Variants in UPRT observed in about 807,000 individuals in gnomAD.
UPRT encodes the protein RP11-311P8.3.
In UPRT, 5 loss-of-function variants were observed where a neutral mutation model predicts 22.6. That is an observed-to-expected ratio of 0.22 (90% confidence interval 0.12 to 0.47). The LOEUF is 0.47. UPRT is among the 20% of genes least tolerant of loss of function. UPRT has a pLI of 0.99. For missense variants in UPRT, 181 were observed against 239.9 expected (o/e 0.75, Z 1.62); for synonymous variants, 77 against 87.7 (o/e 0.88, Z 0.68).
rs940440173 is a variant in UPRT at position 75,265,112 on chromosome X, A to G, written c.-446-25912A>G. On this transcript the variant is annotated intron_variant, in intron 4 of 13. Transcript: ENST00000652605. The stretch of plus-strand genomic sequence containing the variant: ...ACCTTTCTCTCTGGCTGCCCTTAAC[A>G]TTTTTTCCTTCATTTCAACTTTGGT... 9.9e-5 allele frequency among the ~76,000 whole-genome samples: 11 copies of G among 110,768 alleles called. No homozygotes were observed. The Admixed American group carries it at 1.1e-3, about 11-fold the overall frequency.
chrX:75,239,294 G>A (rs953625801), intron 4 of UPRT, among the ~76,000 whole-genome samples: 1 of 111,628 alleles, frequency 9.0e-6, no homozygotes, highest in Middle Eastern at 4.6e-3. Flanking sequence ...CCATAGCACA[G>A]AAATACAAAG....
rs73505031 is a variant in UPRT at position 75,300,796 on chromosome X, A to C, written c.725-71A>C. On this transcript the variant is annotated intron_variant, in intron 5 of 6. Transcript: ENST00000373383. ...AGTGATTCCCTGTCCCCCCTCCCCC[A>C]AAAAAAGAAAAAAGACATTTAAAAA... The C allele has an allele frequency of 7.5e-4, 672 of 894,067 alleles. 4 individuals carry two copies. The highest frequency in any genetic ancestry group is 2.7e-3 in the South Asian group (109 of 40,957). The allele number at this position is 894,067 out of a possible 1,213,427, so 73.7% of individuals were successfully genotyped here.
Position 75,234,631 on chromosome X carries a change from C to T in UPRT, c.-446-56393C>T, listed in dbSNP as rs1323947448. Among the ~76,000 whole-genome samples, 3 of 111,620 alleles carry T rather than the reference C, an allele frequency of 2.7e-5. No homozygotes were observed. The East Asian group carries it at 8.5e-4, about 31-fold the overall frequency. ...CAAACTGGAACTCAGGATTAAGAAA[C>T]TCACTCAAAACCACTCAACTACATG... On this transcript the variant is annotated intron_variant, in intron 4 of 13. Coordinates refer to the UPRT transcript ENST00000652605.
chrX:75,287,328 A>G (rs558891382), intron 1 of UPRT, among the ~76,000 whole-genome samples: 1 of 111,778 alleles, frequency 8.9e-6, no homozygotes, highest in East Asian at 2.8e-4. Context: ...AGTGAGGCTT[A>G]GTAAGAAGAT....
At chrX:75,198,056 C>T (rs769799654) in intron 4 of UPRT, among the ~76,000 whole-genome samples, 31 of 112,904 alleles carry the variant, frequency 2.7e-4, no homozygotes, top group African/African-American at 9.6e-4. Context: ...CAGCTTCATT[C>T]ATAATAGCTC....
At position 75,212,353 on chromosome X, in the gene UPRT, T is replaced by C. The variant is rs1235117404; in HGVS notation, c.-447+44474T>C. On this transcript the variant is annotated intron_variant, in intron 4 of 13. Transcript: ENST00000652605. ...AACAGTCTCTCAGACCACAGGGCAA[T>C]CAAATTATAACTCAAGATTAAGAAA... 7.2e-5 allele frequency among the ~76,000 whole-genome samples: 8 copies of C among 111,854 alleles called. No individual in the cohort carries two copies. In the Admixed American group the frequency reaches 7.6e-4, roughly 11 times the overall value.
chrX:75,278,807 CA>C (rs2082642003), intron 1 of UPRT, among the ~76,000 whole-genome samples: 1 of 110,927 alleles, frequency 9.0e-6, no homozygotes, highest in African/African-American at 3.3e-5. Context: ...TGACATAGGA[CA>C]AAAAAAGGAG....
chrX:75,292,983 C>A (rs1159314757), intron 1 of UPRT, among the ~76,000 whole-genome samples: 1 of 111,412 alleles, frequency 9.0e-6, no homozygotes, highest in African/African-American at 3.3e-5. Context: ...AAAGCAGTAG[C>A]AAAAGCAGAG....
intron 1 of UPRT, among the ~76,000 whole-genome samples, chrX:75,283,380 T>C (rs1377991260): frequency 9.0e-6 from 1 of 111,410 alleles, no homozygotes; most frequent in Non-Finnish European, 1.9e-5. Flanking sequence ...TGTATTTTTG[T>C]TATATAGGTC....
intron 4 of UPRT, among the ~76,000 whole-genome samples, chrX:75,206,886 G>A (rs750995091): frequency 5.5e-4 from 61 of 111,846 alleles, no homozygotes; most frequent in Non-Finnish European, 1.0e-3. Flanking sequence ...GGATGGTCTC[G>A]ATCTCCTGAC....
At chrX:75,288,595 C>G (rs1332054878) in intron 1 of UPRT, among the ~76,000 whole-genome samples, 2 of 112,099 alleles carry the variant, frequency 1.8e-5, no homozygotes, top group Non-Finnish European at 3.8e-5. Context: ...ATCTCAACAG[C>G]TGCAGAAAAA....
chrX:75,218,113 G>A (rs1441375760), intron 4 of UPRT, among the ~76,000 whole-genome samples: 2 of 111,295 alleles, frequency 1.8e-5, no homozygotes, highest in African/African-American at 6.5e-5. Context: ...CTACAAAATG[G>A]GAGAAAATTT....
intron 4 of UPRT, among the ~76,000 whole-genome samples, chrX:75,201,110 T>A (rs750392003): frequency 6.2e-5 from 7 of 112,607 alleles, no homozygotes; most frequent in African/African-American, 2.3e-4. Flanking sequence ...GCTAGGTCAG[T>A]CCATTTCACA....
intron 4 of UPRT, among the ~76,000 whole-genome samples, chrX:75,172,963 G>A (rs775603562): frequency 6.3e-5 from 7 of 111,206 alleles, no homozygotes; most frequent in African/African-American, 1.6e-4. Context: ...CTGCTGGCTC[G>A]GGCAGCCTGC....
chrX:75,281,802 T>C (rs1347233327), intron 1 of UPRT, among the ~76,000 whole-genome samples: 3 of 111,850 alleles, frequency 2.7e-5, no homozygotes, highest in African/African-American at 9.7e-5. Flanking sequence ...GAGCATTCCC[T>C]CTTTCTCTGT....
intron 4 of UPRT, among the ~76,000 whole-genome samples, chrX:75,235,631 G>C (rs1417093825): frequency 1.8e-5 from 2 of 111,728 alleles, no homozygotes; most frequent in African/African-American, 6.5e-5. Flanking sequence ...TGGGATGCAA[G>C]GCTGGTTCAA....
rs763201506 is a variant in UPRT at position 75,177,385 on chromosome X, C to T, written c.-447+9506C>T. 3.3e-3 allele frequency among the ~76,000 whole-genome samples: 367 copies of T among 111,502 alleles called. 3 individuals carry two copies. The highest frequency in any genetic ancestry group is 0.011 in the African/African-American group (346 of 30,623). On this transcript the variant is annotated intron_variant, in intron 4 of 13. Coordinates refer to the UPRT transcript ENST00000652605. ...GAAGGTCGGATTTAGTGGTCCTTAC[C>T]GACGCATTCTTGAAAACCTGCACCC...
intron 4 of UPRT, among the ~76,000 whole-genome samples, chrX:75,248,177 G>A (rs1331866376): frequency 8.9e-6 from 1 of 111,900 alleles, no homozygotes; most frequent in African/African-American, 3.3e-5. Context: ...CCAAAGGAAC[G>A]CAGCTCCTCA....
intron 4 of UPRT, among the ~76,000 whole-genome samples, chrX:75,232,361 G>A (rs1254425865): frequency 1.8e-5 from 2 of 112,724 alleles, no homozygotes; most frequent in South Asian, 7.3e-4. Flanking sequence ...CGAGGCTGGG[G>A]GAGGGGCGCC....
Sources: gnomAD v4.1 joint callset for allele counts (sites outside exome capture counted in the v4.1 genomes callset) on GRCh38, gnomAD v4.1.1 for gene constraint, MANE v1.5 for transcripts, NCBI Gene and HGNC (gene_info 2026-07-23, HGNC 2026-07-21) for gene names.